FHIT: variants seen among roughly 807,000 people sequenced by gnomAD.
FHIT encodes bis(5'-adenosyl)-triphosphatase.
FHIT carries 19 observed loss-of-function variants against 17.9 expected under a neutral mutation model. The ratio of observed to expected loss-of-function variants is 1.06; its 90% CI spans 0.74 to 1.56. The LOEUF is 1.56. Among genes scored for constraint, FHIT ranks in the 40% most tolerant of loss-of-function variants. The probability of loss-of-function intolerance (pLI) is 0.00; values close to 1 mark genes in which losing one functional copy is unlikely to be tolerated. For synonymous variants in FHIT, 81 were observed against 69.7 expected (o/e 1.16, Z -0.81); for missense variants, 248 against 189.2 (o/e 1.31, Z -1.82).
At chr3:60,726,895 C>A (rs1553709723) in intron 4 of FHIT, among the ~76,000 whole-genome samples, 1 of 152,116 alleles carries the variant, frequency 6.6e-6, no homozygotes, top group African/African-American at 2.4e-5. Flanking sequence ...AGAATAGAAG[C>A]AAATAGACAC....
chr3:61,246,945 A>G (rs2040501257), intron 1 of FHIT, among the ~76,000 whole-genome samples: 1 of 152,148 alleles, frequency 6.6e-6, no homozygotes, highest in South Asian at 2.1e-4. Flanking sequence ...TCCTCCAGCC[A>G]TTGATTTTCA....
chr3:60,751,133 G>A (rs17063914), intron 4 of FHIT, among the ~76,000 whole-genome samples: 5,325 of 152,322 alleles, frequency 0.035, 312 homozygotes, highest in African/African-American at 0.12. Context: ...GTCGAGAGTG[G>A]TTAGAACAAC....
intron 4 of FHIT, among the ~76,000 whole-genome samples, chr3:60,715,858 T>C (rs2041670081): frequency 6.6e-6 from 1 of 152,138 alleles, no homozygotes; most frequent in African/African-American, 2.4e-5. Flanking sequence ...AACTTAGTAT[T>C]ACAGTAATAT....
chr3:60,119,757 C>T (rs1705161964), intron 5 of FHIT, among the ~76,000 whole-genome samples: 1 of 152,046 alleles, frequency 6.6e-6, no homozygotes, highest in African/African-American at 2.4e-5. Flanking sequence ...GCTTTTTTCC[C>T]TTCCCAGTTT....
intron 3 of FHIT, among the ~76,000 whole-genome samples, chr3:60,975,511 A>G (rs1356787180): frequency 6.6e-6 from 1 of 152,242 alleles, no homozygotes; most frequent in Non-Finnish European, 1.5e-5. Flanking sequence ...TTACAAAAGA[A>G]GTATAGCCAT....
intron 5 of FHIT, among the ~76,000 whole-genome samples, chr3:60,526,488 G>C (rs182413721): frequency 1.3e-5 from 2 of 152,084 alleles, no homozygotes; most frequent in Non-Finnish European, 2.9e-5. Context: ...GACCTGCTGA[G>C]GTTGGTGCTT....
At chr3:60,596,750 G>A (rs1332632960) in intron 4 of FHIT, among the ~76,000 whole-genome samples, 3 of 152,112 alleles carry the variant, frequency 2.0e-5, no homozygotes, top group Non-Finnish European at 4.4e-5. Context: ...ACTCTGGAGT[G>A]TGACTGCCTA....
intron 5 of FHIT, among the ~76,000 whole-genome samples, chr3:60,389,970 T>C (rs1223331225): frequency 6.6e-6 from 1 of 152,178 alleles, no homozygotes; most frequent in Non-Finnish European, 1.5e-5. Flanking sequence ...TTGCAAAGCC[T>C]TTCATCTGCT....
At chr3:61,053,697 A>AT (rs200177414) in intron 2 of FHIT, among the ~76,000 whole-genome samples, 5 of 151,650 alleles carry the variant, frequency 3.3e-5, no homozygotes, top group Non-Finnish European at 5.9e-5. Flanking sequence ...TTTCAAGTTA[A>AT]TTTTTTTTAA....
At chr3:60,790,371 A>G (rs1372461965) in intron 4 of FHIT, among the ~76,000 whole-genome samples, 1 of 152,212 alleles carries the variant, frequency 6.6e-6, no homozygotes, top group African/African-American at 2.4e-5. Flanking sequence ...ATGTCACAAC[A>G]TATTCTAAAT....
chr3:61,011,100 G>C (rs2031765143), intron 3 of FHIT, among the ~76,000 whole-genome samples: 1 of 152,120 alleles, frequency 6.6e-6, no homozygotes, highest in African/African-American at 2.4e-5. Context: ...TGAAAAACCA[G>C]AGAAATTATA....
chr3:60,391,200 A>AC (rs1553761555), intron 5 of FHIT, among the ~76,000 whole-genome samples: 138 of 30,736 alleles, frequency 4.5e-3, no homozygotes, highest in Non-Finnish European at 0.012. Context: ...AACAAAACAA[A>AC]AAACAAACAA....
chr3:60,207,405 G>A (rs1040941809), intron 5 of FHIT, among the ~76,000 whole-genome samples: 2 of 151,940 alleles, frequency 1.3e-5, no homozygotes, highest in African/African-American at 4.8e-5. Context: ...CCTTCCAACA[G>A]ACCTCGAAAG....
At position 59,971,800 on chromosome 3, in the gene FHIT, C is replaced by A. The variant is rs544844420; in HGVS notation, c.279+39571G>T. Among the ~76,000 whole-genome samples, 8 of 152,248 alleles carry A rather than the reference C, an allele frequency of 5.3e-5. No homozygotes were observed. The South Asian group carries it at 1.5e-3, about 28-fold the overall frequency. ...AAGGAGTTCAGTTTTCTCGTCTATA[C>A]TGTGGGCATTTCAAGGGTCACTGTG... On this transcript the variant is annotated intron_variant, in intron 7 of 9. Transcript: ENST00000492590.
At chr3:60,117,494 T>TGG (rs1378538733) in intron 5 of FHIT, among the ~76,000 whole-genome samples, 1 of 86,766 alleles carries the variant, frequency 1.2e-5, no homozygotes, top group African/African-American at 4.5e-5. Context: ...ACTTCCTATC[T>TGG]AAAAAAAAAA....
intron 7 of FHIT, among the ~76,000 whole-genome samples, chr3:59,959,318 A>G (rs1397433133): frequency 6.6e-6 from 1 of 152,230 alleles, no homozygotes; most frequent in East Asian, 1.9e-4. Context: ...CAAGATACTA[A>G]GAAGAGAGTG....
At chr3:60,024,242 T>A (rs1448099191) in intron 5 of FHIT, among the ~76,000 whole-genome samples, 1 of 152,116 alleles carries the variant, frequency 6.6e-6, no homozygotes, top group Admixed American at 6.6e-5. Flanking sequence ...CATCCTTTAT[T>A]TCAAATAAAT....
intron 5 of FHIT, among the ~76,000 whole-genome samples, chr3:60,260,029 C>G (rs867352053): frequency 2.0e-5 from 3 of 152,004 alleles, no homozygotes; most frequent in Admixed American, 6.6e-5. Flanking sequence ...ACCACAGGCT[C>G]AAGTGTCTCA....
chr3:60,011,756 T>C (rs752871524), intron 6 of FHIT, among the ~76,000 whole-genome samples: 43 of 152,218 alleles, frequency 2.8e-4, no homozygotes, highest in Non-Finnish European at 6.0e-4. Context: ...GTTTAATTAA[T>C]GTCTGATTAC....
Sources: gnomAD v4.1 joint callset for allele counts (sites outside exome capture counted in the v4.1 genomes callset) on GRCh38, gnomAD v4.1.1 for gene constraint, MANE v1.5 for transcripts, NCBI Gene and HGNC (gene_info 2026-07-23, HGNC 2026-07-21) for gene names.